Variants in BMPR2 observed in about 807,000 individuals in gnomAD.
The protein encoded by BMPR2 is bone morphogenetic protein receptor type 2.
A neutral mutation model predicts 100.8 loss-of-function variants in BMPR2; 29 were observed. That is an observed-to-expected ratio of 0.29 (90% confidence interval 0.21 to 0.39). BMPR2 has a LOEUF of 0.39. Ranked by LOEUF, BMPR2 falls within the 10% of genes least tolerant of loss-of-function variation. The pLI, the probability that BMPR2 is intolerant of heterozygous loss-of-function variation, is 1.00. For missense variants in BMPR2, 1,011 were observed against 1,274.5 expected (o/e 0.79, Z 3.15); for synonymous variants, 382 against 442.3 (o/e 0.86, Z 1.71).
At chr2:202,438,167 G>A (rs1175266432) in intron 1 of BMPR2, among the ~76,000 whole-genome samples, 1 of 149,984 alleles carries the variant, frequency 6.7e-6, no homozygotes, top group African/African-American at 2.5e-5. Flanking sequence ...TACAAAATTA[G>A]CCAGGCATGG....
At chr2:202,531,051 C>G in intron 8 of BMPR2, 97 bp downstream of exon 8, 2 of 1,469,074 alleles carry the variant, frequency 1.4e-6, no homozygotes. Context: ...GCCTGTAATC[C>G]CAGCACTTTG....
intron 1 of BMPR2, among the ~76,000 whole-genome samples, chr2:202,411,671 T>G (rs1691015554): frequency 6.6e-6 from 1 of 152,096 alleles, no homozygotes; most frequent in Non-Finnish European, 1.5e-5. Context: ...TTTCTATACG[T>G]TTATTTAACA....
At chr2:202,466,025 G>T (rs1692313837) in intron 2 of BMPR2, among the ~76,000 whole-genome samples, 1 of 152,034 alleles carries the variant, frequency 6.6e-6, no homozygotes, top group African/African-American at 2.4e-5. Context: ...TATTCTATTG[G>T]TAGACATTAT....
chr2:202,497,654 C>G (rs943453167), intron 3 of BMPR2, among the ~76,000 whole-genome samples: 3 of 152,178 alleles, frequency 2.0e-5, no homozygotes, highest in African/African-American at 7.2e-5. Context: ...AAAGGCATGT[C>G]ACCCAAGTGA....
At chr2:202,518,801 C>T in intron 5 of BMPR2, 21 bp from the exon 6 acceptor site, 9 of 1,596,824 alleles carry the variant, frequency 5.6e-6, no homozygotes, top group Non-Finnish European at 7.7e-6. Flanking sequence ...TAATACCTTG[C>T]TTTCTTTAAA....
In BMPR2 at chr2:202,495,680, C is replaced by T. The variant is rs1029497492; in HGVS notation, c.419-18039C>T. Among the ~76,000 whole-genome samples the T allele has an allele frequency of 3.3e-5, 5 of 152,192 alleles. No individual in the cohort carries two copies. The highest frequency in any genetic ancestry group is 9.6e-5 in the African/African-American group (4 of 41,454). ...ACCTTTCTCTACCCATTACTTACCTCCCCACTTCCGTGTCATTTAAGGAGG... is the reference window on the plus strand; with the variant it reads ...ACCTTTCTCTACCCATTACTTACCTTCCCACTTCCGTGTCATTTAAGGAGG... On this transcript the variant is annotated intron_variant, in intron 3 of 12. Coordinates refer to ENST00000374580, the MANE Select transcript of BMPR2 (RefSeq NM_001204.7). The surrounding 1 kb of genome is among the most constrained non-coding windows in gnomAD (Gnocchi z 4.5).
chr2:202,471,171 A>G (rs968302499), intron 3 of BMPR2, among the ~76,000 whole-genome samples: 2 of 152,224 alleles, frequency 1.3e-5, no homozygotes, highest in South Asian at 2.1e-4. Context: ...ATCTGGGTCA[A>G]TTTGAGTGCT....
chr2:202,551,041 C>A (rs1039665422), intron 10 of BMPR2, among the ~76,000 whole-genome samples: 1 of 147,808 alleles, frequency 6.8e-6, no homozygotes, highest in African/African-American at 2.5e-5. Flanking sequence ...ACTCCAACAT[C>A]CGCCTCCTGG....
At chr2:202,535,065 C>A (rs1231326375) in intron 9 of BMPR2, among the ~76,000 whole-genome samples, 2 of 136,620 alleles carry the variant, frequency 1.5e-5, no homozygotes, top group Non-Finnish European at 3.2e-5. Context: ...CCGGACAGGT[C>A]GGCTGGCCTG....
intron 1 of BMPR2, among the ~76,000 whole-genome samples, chr2:202,443,554 TTCTC>T: frequency 1.3e-5 from 2 of 149,668 alleles, no homozygotes; most frequent in Middle Eastern, 6.8e-3. Flanking sequence ...GTCTCTCTCT[TTCTC>T]TCTTTCTTTC....
At chr2:202,389,860 G>T (rs565672734) in intron 1 of BMPR2, among the ~76,000 whole-genome samples, 1 of 151,764 alleles carries the variant, frequency 6.6e-6, no homozygotes, top group African/African-American at 2.4e-5. Flanking sequence ...GGCTGGTCTC[G>T]AACTCCTGAC....
rs1693003843 is a variant in BMPR2 at position 202,495,443 on chromosome 2, T to A, written c.419-18276T>A. ...TCGTTGTGCTCTTCTGCTGGCGTGC[T>A]CCTCTCGACGACCAGCCACTTTCTT... On this transcript the variant is annotated intron_variant, in intron 3 of 12. Transcript: ENST00000374580. This position sits in a 1 kb window ranked among gnomAD's most constrained non-coding sequence, Gnocchi z 4.5. 6.6e-6 allele frequency among the ~76,000 whole-genome samples: 1 copy of A among 152,182 alleles called. No homozygotes were observed. The highest frequency in any genetic ancestry group is 1.5e-5 in the Non-Finnish European group (1 of 68,034).
chr2:202,489,795 GT>G (rs1363489516), intron 3 of BMPR2, among the ~76,000 whole-genome samples: 3 of 152,180 alleles, frequency 2.0e-5, no homozygotes, highest in Non-Finnish European at 4.4e-5. Context: ...AAAATTGAAA[GT>G]TTTATATGTT....
chr2:202,555,180 G>A (rs1688541590), intron 11 of BMPR2, 72 bp from the exon 12 acceptor site: 1 of 1,332,140 alleles, frequency 7.5e-7, no homozygotes, highest in Non-Finnish European at 1.1e-6. Context: ...TAAAATCAGA[G>A]GTGTTAAATT....
chr2:202,393,882 C>CGAGAGCGAGAGAGA lies in BMPR2; in HGVS notation c.76+16337_76+16338insCGAGAGAGAGAGAG, dbSNP rs1212615683. ...GCATCTAATTAAGGTAATGAGAGAG[C>CGAGAGCGAGAGAGA]GAGAGAGAGAGAGAGAGAGAGAGAG... On this transcript the variant is annotated intron_variant, in intron 1 of 12. Transcript: ENST00000374580. Among the ~76,000 whole-genome samples, 27 of 97,924 alleles carry CGAGAGCGAGAGAGA rather than the reference C, an allele frequency of 2.8e-4. 1 individual carries two copies. The highest frequency in any genetic ancestry group is 8.6e-4 in the African/African-American group (24 of 28,034). The allele number at this position is 97,924 out of a possible 152,430, so 64.2% of individuals were successfully genotyped here.
rs1036517337 is a variant in BMPR2 at position 202,512,948 on chromosome 2, T to A, written c.419-771T>A. ...ATTGCGTAGATAATATATGCTTTTT[T>A]AAAAAAAAACTTTAATTTTTTTTTT... On this transcript the variant is annotated intron_variant, in intron 3 of 12. Coordinates refer to ENST00000374580, the MANE Select transcript of BMPR2 (RefSeq NM_001204.7). Among the ~76,000 whole-genome samples the A allele has an allele frequency of 7.3e-5, 11 of 150,722 alleles. No individual in the cohort carries two copies. In the East Asian group the frequency reaches 1.4e-3, roughly 19 times the overall value.
rs547637249 is a variant in BMPR2 at position 202,561,496 on chromosome 2, T to G, written c.*1550T>G. On this transcript the variant is annotated 3_prime_UTR_variant, in exon 13 of 13. Coordinates refer to ENST00000374580, the MANE Select transcript of BMPR2 (RefSeq NM_001204.7). The stretch of plus-strand genomic sequence containing the variant: ...ACTTTCTGTCAAATAATGGACTTTT[T>G]TCTAAACAGAAATTATTTTCTATTA... 6.6e-6 allele frequency: 1 copy of G among 152,252 alleles called. No individual in the cohort carries two copies. Among genetic ancestry groups the G allele is most frequent in the South Asian group, 2.1e-4 (1 of 4,830 alleles). 9.4% of individuals were successfully genotyped at this position (152,252 alleles called of 1,614,324 possible).
chr2:202,511,698 A>G (rs538859667), intron 3 of BMPR2, among the ~76,000 whole-genome samples: 1 of 152,226 alleles, frequency 6.6e-6, no homozygotes, highest in Non-Finnish European at 1.5e-5. Context: ...AGGAGGCACA[A>G]TGATCAATGT....
At chr2:202,542,977 G>A (rs1688305071) in intron 10 of BMPR2, among the ~76,000 whole-genome samples, 1 of 151,632 alleles carries the variant, frequency 6.6e-6, no homozygotes. Context: ...AGGAGTTCGC[G>A]ACCAGCCTGG....
Sources: gnomAD v4.1 joint callset for allele counts (sites outside exome capture counted in the v4.1 genomes callset) on GRCh38, gnomAD v4.1.1 for gene constraint, Gnocchi (gnomAD v3.1) non-coding constraint, MANE v1.5 for transcripts, NCBI Gene and HGNC (gene_info 2026-07-23, HGNC 2026-07-21) for gene names.